MKLN1: variants seen among roughly 807,000 people sequenced by gnomAD.
The protein encoded by MKLN1 is muskelin.
Under a neutral mutation model 99.0 loss-of-function variants are expected in MKLN1, and 18 were observed. The ratio of observed to expected loss-of-function variants is 0.18; its 90% CI spans 0.13 to 0.27. The LOEUF (loss-of-function observed/expected upper bound fraction) is 0.27, where lower values mean the gene tolerates loss of function less well. Among genes scored for constraint, MKLN1 ranks in the 10% least tolerant of loss-of-function variants. The probability of loss-of-function intolerance (pLI) is 1.00; values close to 1 mark genes in which losing one functional copy is unlikely to be tolerated. For synonymous variants in MKLN1, 288 were observed against 293.2 expected (o/e 0.98, Z 0.18); for missense variants, 621 against 875.9 (o/e 0.71, Z 3.67).
At chr7:131,281,045 T>C (rs1233774234) in intron 3 of MKLN1, among the ~76,000 whole-genome samples, 3 of 151,972 alleles carry the variant, frequency 2.0e-5, no homozygotes, top group African/African-American at 7.3e-5. Context: ...AGATTTTACT[T>C]TTGAAGTTCA....
At chr7:131,275,563 A>AT (rs1349449145) in intron 3 of MKLN1, among the ~76,000 whole-genome samples, 33 of 9,010 alleles carry the variant, frequency 3.7e-3, no homozygotes, top group East Asian at 5.1e-3. Flanking sequence ...ATATATATAT[A>AT]TATATTTTTT....
chr7:131,203,583 G>A (rs754688956), intron 3 of MKLN1, among the ~76,000 whole-genome samples: 5 of 152,154 alleles, frequency 3.3e-5, no homozygotes, highest in East Asian at 1.9e-4. Context: ...CCAAGAAAAC[G>A]GACCATGTTG....
chr7:131,348,923 CT>C (rs781401170), intron 1 of MKLN1, among the ~76,000 whole-genome samples: 2 of 151,964 alleles, frequency 1.3e-5, no homozygotes, highest in East Asian at 3.9e-4. Context: ...TTTCTCTAGC[CT>C]TTTATTTTTT....
chr7:131,204,124 G>A (rs934446077), intron 3 of MKLN1, among the ~76,000 whole-genome samples: 1 of 152,074 alleles, frequency 6.6e-6, no homozygotes, highest in East Asian at 1.9e-4. Context: ...TCCCCAGACC[G>A]CCTTGTTTAA....
chr7:131,176,851 C>T (rs1045936415), intron 2 of MKLN1, among the ~76,000 whole-genome samples: 2 of 152,156 alleles, frequency 1.3e-5, no homozygotes, highest in Non-Finnish European at 2.9e-5. Flanking sequence ...TGCTGTTGAC[C>T]CTCCAATGGG....
At chr7:131,325,666 C>T (rs1440117802), upstream of MKLN1, among the ~76,000 whole-genome samples, 1 of 151,510 alleles carries the variant, frequency 6.6e-6, no homozygotes, top group Non-Finnish European at 1.5e-5. Context: ...GACTGCACTC[C>T]ATCCTGGGTG....
chr7:131,227,517 CTTT>C (rs1392700657), intron 3 of MKLN1, among the ~76,000 whole-genome samples: 1 of 134,950 alleles, frequency 7.4e-6, no homozygotes, highest in Non-Finnish European at 1.6e-5. Flanking sequence ...TTCTTTCTTT[CTTT>C]CTTTCTTTCT....
chr7:131,184,002 CG>C (rs1251849127), intron 2 of MKLN1, among the ~76,000 whole-genome samples: 1 of 151,232 alleles, frequency 6.6e-6, no homozygotes, highest in East Asian at 1.9e-4. Context: ...AGTTTGCAAA[CG>C]GAGTAAAGAA....
intron 2 of MKLN1, among the ~76,000 whole-genome samples, chr7:131,378,846 A>T (rs968436895): frequency 2.0e-5 from 3 of 149,186 alleles, no homozygotes; most frequent in Non-Finnish European, 4.4e-5. Context: ...GAAAAAATAC[A>T]CGCACGTGTG....
chr7:131,393,262 A>G lies in MKLN1; in HGVS notation c.401-4005A>G, dbSNP rs1794259782. On this transcript the variant is annotated intron_variant, in intron 4 of 17. Transcript: ENST00000352689. ...TTATTTGATGAGGGAGGCATCTTTTATCAGGGAACAAAGAACACGTGCCTG... is the reference window on the plus strand; with the variant it reads ...TTATTTGATGAGGGAGGCATCTTTTGTCAGGGAACAAAGAACACGTGCCTG... Among the ~76,000 whole-genome samples the G allele has an allele frequency of 2.6e-5, 4 of 152,186 alleles. No homozygotes were observed. The South Asian group carries it at 8.3e-4, about 32-fold the overall frequency.
intron 2 of MKLN1, among the ~76,000 whole-genome samples, chr7:131,381,926 T>A (rs1197326717): frequency 6.6e-6 from 1 of 152,218 alleles, no homozygotes; most frequent in Non-Finnish European, 1.5e-5. Context: ...AGCGCAAGTG[T>A]CATTATTCAG....
At chr7:131,176,445 A>G (rs754356422) in intron 2 of MKLN1, among the ~76,000 whole-genome samples, 1 of 152,194 alleles carries the variant, frequency 6.6e-6, no homozygotes, top group Non-Finnish European at 1.5e-5. Flanking sequence ...TGTTGGTACA[A>G]AAAGTGTATC....
intron 2 of MKLN1, among the ~76,000 whole-genome samples, chr7:131,198,501 C>T (rs1283839168): frequency 1.3e-5 from 2 of 152,066 alleles, no homozygotes; most frequent in East Asian, 3.8e-4. Flanking sequence ...TGTGACAACA[C>T]AAAGAACAAA....
intron 2 of MKLN1, among the ~76,000 whole-genome samples, chr7:131,383,187 A>C (rs948496289): frequency 1.2e-4 from 19 of 152,124 alleles, no homozygotes; most frequent in Admixed American, 1.1e-3. Flanking sequence ...ACAGAGTCCA[A>C]ATTTCTTAAT....
Position 131,192,135 on chromosome 7 carries a change from AT to A in MKLN1, c.-296-10721del, listed in dbSNP as rs1317614102. Among the ~76,000 whole-genome samples the A allele has an allele frequency of 2.9e-3, 240 of 83,964 alleles. 20 individuals carry two copies. Among genetic ancestry groups the A allele is most frequent in the African/African-American group, 4.4e-3 (85 of 19,264 alleles). The allele number at this position is 83,964 out of a possible 152,430, so 55.1% of individuals were successfully genotyped here. ...TATATATATACGTATATATATAAAA[AT>A]ATATATACGTATATATACATATATA... On this transcript the variant is annotated intron_variant, in intron 2 of 7. Transcript: ENST00000416992.
At chr7:131,364,265 T>A (rs1473781417) in intron 1 of MKLN1, among the ~76,000 whole-genome samples, 1 of 152,094 alleles carries the variant, frequency 6.6e-6, no homozygotes, top group Non-Finnish European at 1.5e-5. Flanking sequence ...AGATTTTAAA[T>A]CAGAAAGCCT....
At chr7:131,150,732 A>C (rs535828497) in intron 2 of MKLN1, among the ~76,000 whole-genome samples, 45 of 152,092 alleles carry the variant, frequency 3.0e-4, no homozygotes, top group African/African-American at 1.1e-3. Context: ...TGAATAACTA[A>C]ATCTACCCAT....
Position 131,133,819 on chromosome 7 carries a change from G to GTTTTTTT in MKLN1, c.-418-9001_-418-9000insTTTTTTT, listed in dbSNP as rs1563226557. 6.2e-4 allele frequency among the ~76,000 whole-genome samples: 42 copies of GTTTTTTT among 67,236 alleles called. 8 individuals are homozygous for GTTTTTTT. The highest frequency in any genetic ancestry group is 1.6e-3 in the South Asian group (4 of 2,486). The allele number at this position is 67,236 out of a possible 152,430, so 44.1% of individuals were successfully genotyped here. On this transcript the variant is annotated intron_variant, in intron 1 of 7. Transcript: ENST00000416992. Reference sequence around the variant, plus strand: ...ACTTCTTTTTTTTTTTTTTTAATTTGGTTTTTTTTTTTTTTTTTTTTTTTT... The same window carrying GTTTTTTT: ...ACTTCTTTTTTTTTTTTTTTAATTTGTTTTTTTGTTTTTTTTTTTTTTTTTTTTTTTT...
intron 1 of MKLN1, among the ~76,000 whole-genome samples, chr7:131,360,191 T>C (rs1380472097): frequency 3.3e-5 from 5 of 152,228 alleles, no homozygotes; most frequent in Admixed American, 2.6e-4. Context: ...TGTATCTTTA[T>C]GGGGGTTTCT....
Sources: gnomAD v4.1 joint callset for allele counts (sites outside exome capture counted in the v4.1 genomes callset) on GRCh38, gnomAD v4.1.1 for gene constraint, MANE v1.5 for transcripts, NCBI Gene and HGNC (gene_info 2026-07-23, HGNC 2026-07-21) for gene names.